The following CNBD1 variants were observed in gnomAD, a reference collection of about 807,000 sequenced individuals.
CNBD1 encodes cyclic nucleotide binding domain containing 1, also known as cyclic nucleotide-binding domain-containing protein 1.
A neutral mutation model predicts 54.4 loss-of-function variants in CNBD1; 71 were observed. That is an observed-to-expected ratio of 1.30 (90% CI 1.08 to 1.59). The LOEUF (loss-of-function observed/expected upper bound fraction) is 1.59, where lower values mean the gene tolerates loss of function less well. Among genes scored for constraint, CNBD1 ranks in the 40% most tolerant of loss-of-function variants. The probability of loss-of-function intolerance (pLI) is 0.00; values close to 1 mark genes in which losing one functional copy is unlikely to be tolerated. For synonymous variants in CNBD1, 182 were observed against 170.7 expected (o/e 1.07, Z -0.51); for missense variants, 659 against 518.0 (o/e 1.27, Z -2.64).
intron 10 of CNBD1, among the ~76,000 whole-genome samples, chr8:87,365,863 T>C (rs147518006): frequency 6.6e-6 from 1 of 152,214 alleles, no homozygotes; most frequent in East Asian, 1.9e-4. Flanking sequence ...TACAAAGGAA[T>C]TTTATAATGT....
chr8:87,310,094 C>G (rs943111822), intron 8 of CNBD1, among the ~76,000 whole-genome samples: 1 of 152,072 alleles, frequency 6.6e-6, no homozygotes, highest in Non-Finnish European at 1.5e-5. Context: ...GTGGCTCATA[C>G]CTATAATTCC....
chr8:86,947,315 G>T (rs545375698), intron 4 of CNBD1, among the ~76,000 whole-genome samples: 3 of 152,202 alleles, frequency 2.0e-5, no homozygotes, highest in African/African-American at 7.2e-5. Context: ...GATGTCCTTA[G>T]TACGTTTGCA....
At chr8:87,161,718 A>G (rs536940420) in intron 4 of CNBD1, among the ~76,000 whole-genome samples, 2 of 152,282 alleles carry the variant, frequency 1.3e-5, no homozygotes, top group African/African-American at 4.8e-5. Flanking sequence ...TAACTTATTC[A>G]GACAATGTAT....
intron 4 of CNBD1, among the ~76,000 whole-genome samples, chr8:87,204,312 T>C (rs1164720353): frequency 2.0e-5 from 3 of 152,208 alleles, no homozygotes; most frequent in Non-Finnish European, 4.4e-5. Flanking sequence ...GCTTATTCCT[T>C]GTGCCCATCT....
At chr8:86,884,132 A>G (rs1482767016) in intron 1 of CNBD1, among the ~76,000 whole-genome samples, 1 of 151,622 alleles carries the variant, frequency 6.6e-6, no homozygotes, top group Admixed American at 6.6e-5. Flanking sequence ...AGCCTGGGCG[A>G]CAGAGCGAGA....
intron 5 of CNBD1, among the ~76,000 whole-genome samples, chr8:87,217,512 G>A (rs1661427061): frequency 6.7e-6 from 1 of 149,948 alleles, no homozygotes; most frequent in South Asian, 2.1e-4. Context: ...CAACAAACAT[G>A]GAAAAAATAA....
intron 8 of CNBD1, among the ~76,000 whole-genome samples, chr8:87,312,431 A>T (rs1332551224): frequency 1.3e-5 from 2 of 152,046 alleles, no homozygotes; most frequent in Non-Finnish European, 2.9e-5. Context: ...TGGGTCCCAA[A>T]CACATGTTAA....
intron 4 of CNBD1, among the ~76,000 whole-genome samples, chr8:87,188,607 T>A (rs906801142): frequency 1.3e-5 from 2 of 151,796 alleles, no homozygotes; most frequent in Non-Finnish European, 2.9e-5. Flanking sequence ...GTGCCTGTAA[T>A]CCCAGCTACT....
chr8:86,966,904 G>A (rs113131525), intron 4 of CNBD1, among the ~76,000 whole-genome samples: 5 of 152,108 alleles, frequency 3.3e-5, no homozygotes, highest in Non-Finnish European at 7.4e-5. Flanking sequence ...TTGGCCCCAC[G>A]CACATCTTGC....
intron 10 of CNBD1, among the ~76,000 whole-genome samples, chr8:87,375,592 T>G (rs1253525800): frequency 6.6e-6 from 1 of 151,824 alleles, no homozygotes; most frequent in Non-Finnish European, 1.5e-5. Context: ...TAGGCTATCA[T>G]AGGAACCGAA....
At chr8:87,382,086 T>C (rs1041173195) in intron 10 of CNBD1, among the ~76,000 whole-genome samples, 2 of 151,888 alleles carry the variant, frequency 1.3e-5, no homozygotes, top group Non-Finnish European at 2.9e-5. Flanking sequence ...TAAAAAACTA[T>C]AAAAATGTTA....
At chr8:86,911,011 C>A (rs750552856) in intron 3 of CNBD1, among the ~76,000 whole-genome samples, 2 of 152,076 alleles carry the variant, frequency 1.3e-5, no homozygotes, top group African/African-American at 4.8e-5. Flanking sequence ...TTTGCATATC[C>A]CACGAAGAAG....
At chr8:87,038,814 G>A (rs2130606014) in intron 4 of CNBD1, among the ~76,000 whole-genome samples, 1 of 152,304 alleles carries the variant, frequency 6.6e-6, no homozygotes, top group South Asian at 2.1e-4. Flanking sequence ...ATGGGAGTTG[G>A]TTAGATCAGA....
At chr8:86,976,060 G>A (rs914653445) in intron 4 of CNBD1, among the ~76,000 whole-genome samples, 2 of 150,926 alleles carry the variant, frequency 1.3e-5, no homozygotes, top group Non-Finnish European at 3.0e-5. Context: ...CTTTGCCTAT[G>A]TTTTTTAAAT....
At chr8:86,906,316 A>G (rs1404488899) in intron 3 of CNBD1, among the ~76,000 whole-genome samples, 1 of 152,220 alleles carries the variant, frequency 6.6e-6, no homozygotes, top group African/African-American at 2.4e-5. Context: ...GGGCAGTATT[A>G]TGTAAAACAT....
At chr8:86,909,431 T>C (rs1385949331) in intron 3 of CNBD1, among the ~76,000 whole-genome samples, 7 of 152,216 alleles carry the variant, frequency 4.6e-5, no homozygotes, top group African/African-American at 1.7e-4. Flanking sequence ...TTCCTGAGAA[T>C]AGTGCAGTTA....
At chr8:87,289,017 C>A (rs930777073) in intron 8 of CNBD1, among the ~76,000 whole-genome samples, 3 of 152,044 alleles carry the variant, frequency 2.0e-5, no homozygotes, top group Non-Finnish European at 4.4e-5. Context: ...GATTATAATA[C>A]TTCCTGACTG....
At chr8:87,092,467 GTGTA>G (rs1811230646) in intron 4 of CNBD1, among the ~76,000 whole-genome samples, 2 of 148,444 alleles carry the variant, frequency 1.3e-5, no homozygotes, top group African/African-American at 5.1e-5. Context: ...ATGTGTGTGT[GTGTA>G]TATATATACA....
At chr8:86,929,449 C>A (rs1229484586) in intron 3 of CNBD1, among the ~76,000 whole-genome samples, 1 of 152,214 alleles carries the variant, frequency 6.6e-6, no homozygotes, top group Non-Finnish European at 1.5e-5. Flanking sequence ...CTAACTATGG[C>A]ATAACCTGCC....
Sources: gnomAD v4.1 joint callset for allele counts (sites outside exome capture counted in the v4.1 genomes callset) on GRCh38, gnomAD v4.1.1 for gene constraint, MANE v1.5 for transcripts, NCBI Gene and HGNC (gene_info 2026-07-23, HGNC 2026-07-21) for gene names.